TRIT1: variants seen among roughly 807,000 people sequenced by gnomAD.
The protein encoded by TRIT1 is tRNA dimethylallyltransferase.
A neutral mutation model predicts 51.2 loss-of-function variants in TRIT1; 43 were observed. The ratio of observed to expected loss-of-function variants is 0.84; its 90% confidence interval spans 0.66 to 1.08. TRIT1 has a LOEUF of 1.08. Ranked by LOEUF, TRIT1 falls within the 50% of genes least tolerant of loss-of-function variation. The pLI is 0.00. For missense variants in TRIT1, 528 were observed against 578.4 expected, an observed-to-expected ratio of 0.91 and a Z score of 0.89; for synonymous variants, 184 against 203.9, an observed-to-expected ratio of 0.90 and a Z score of 0.83.
At position 39,857,315 on chromosome 1, in the gene TRIT1, A is replaced by T. The variant is rs1557552241; in HGVS notation, c.277T>A (p.Tyr93Asn). 1.9e-6 allele frequency: 3 copies of T among 1,613,660 alleles called. No homozygotes were observed. The highest frequency in any genetic ancestry group is 1.3e-5 in the African/African-American group (1 of 74,934). ...CTATTTCTGAAGTCCACCACTGTGT[A>T]ATTGGTCACAAGAGGATCCACAAAG... ...ISFVDPLVTNYTVVDFRNRAT... is the reference protein window; with the variant it reads ...ISFVDPLVTNNTVVDFRNRAT... Residue 93 changes from tyrosine (Y) to asparagine (N), a missense_variant, in exon 2 of 11, where the codon TAC becomes AAC. Transcript: ENST00000316891.
chr1:39,863,214 C>G (rs1266362279), intron 1 of TRIT1, among the ~76,000 whole-genome samples: 2 of 152,160 alleles, frequency 1.3e-5, no homozygotes, highest in African/African-American at 2.4e-5. Context: ...ACCTATAATC[C>G]CAGCACGTTA....
intron 2 of TRIT1, 149 bp from the exon 3 acceptor site, chr1:39,854,217 C>A: frequency 1.7e-6 from 1 of 605,308 alleles, no homozygotes; most frequent in Non-Finnish European, 2.9e-6. Flanking sequence ...TCAGTGTTTC[C>A]AACAAATTTC....
chr1:39,842,239 A>C (rs1641951315), intron 10 of TRIT1, among the ~76,000 whole-genome samples: 1 of 152,218 alleles, frequency 6.6e-6, no homozygotes, highest in Non-Finnish European at 1.5e-5. Flanking sequence ...GAGGTCTTAC[A>C]AAATGTCCAA....
chr1:39,843,480 G>C (rs900379989), intron 10 of TRIT1, among the ~76,000 whole-genome samples: 1 of 152,214 alleles, frequency 6.6e-6, no homozygotes, highest in Admixed American at 6.5e-5. Context: ...TGCAGGGATA[G>C]AGCCTTAGGG....
chr1:39,881,832 A>G (rs1165055047), intron 1 of TRIT1, among the ~76,000 whole-genome samples: 1 of 152,192 alleles, frequency 6.6e-6, no homozygotes, highest in African/African-American at 2.4e-5. Context: ...CATAAAATCT[A>G]GCATCTGTAG....
chr1:39,848,817 T>C (rs1186470863), intron 5 of TRIT1, among the ~76,000 whole-genome samples: 1 of 150,922 alleles, frequency 6.6e-6, no homozygotes, highest in Non-Finnish European at 1.5e-5. Flanking sequence ...GGCGAGACTC[T>C]GTCTCAAACA....
At chr1:39,879,510 C>G (rs758642262) in intron 1 of TRIT1, among the ~76,000 whole-genome samples, 9 of 151,690 alleles carry the variant, frequency 5.9e-5, no homozygotes, top group Non-Finnish European at 1.3e-4. Context: ...ATATTTATCA[C>G]CAGCACAGTG....
intron 1 of TRIT1, among the ~76,000 whole-genome samples, chr1:39,868,055 C>G (rs763368670): frequency 6.6e-6 from 1 of 151,982 alleles, no homozygotes; most frequent in Non-Finnish European, 1.5e-5. Context: ...TGCCATTCTC[C>G]TGCCTCAGCC....
chr1:39,872,885 GA>G (rs1374464472), intron 1 of TRIT1, among the ~76,000 whole-genome samples: 1 of 151,334 alleles, frequency 6.6e-6, no homozygotes, highest in Non-Finnish European at 1.5e-5. Flanking sequence ...AGGAAGAAAG[GA>G]AGAAAACAAA....
intron 5 of TRIT1, among the ~76,000 whole-genome samples, chr1:39,848,747 C>T (rs772426999): frequency 4.6e-5 from 7 of 151,280 alleles, no homozygotes; most frequent in African/African-American, 1.5e-4. Flanking sequence ...CGCTTGAACC[C>T]GGGAGGCAGA....
chr1:39,852,768 C>T lies in TRIT1; in HGVS notation c.523G>A (p.Ala175Thr). ...CGTTTGTCATGTGGATGCAGCTTGG[C>T]AGCCATTTCTGGGTCCACCTGGCTT... ...RLSQVDPEMA[A>T]KLHPHDKRKV... The change falls in exon 4 of 11, where the codon GCC becomes ACC. Residue 175 changes from alanine (A) to threonine (T), a missense_variant. Coordinates refer to ENST00000316891, the MANE Select transcript of TRIT1 (RefSeq NM_017646.6). The T allele has an allele frequency of 6.2e-7, 1 of 1,614,160 alleles. No individual in the cohort carries two copies. The highest frequency in any genetic ancestry group is 8.5e-7 in the Non-Finnish European group (1 of 1,180,008).
At chr1:39,874,349 C>A (rs1469699450) in intron 1 of TRIT1, among the ~76,000 whole-genome samples, 1 of 152,112 alleles carries the variant, frequency 6.6e-6, no homozygotes, top group Non-Finnish European at 1.5e-5. Context: ...GTTATTAGAA[C>A]CAAAAATGTC....
intron 1 of TRIT1, among the ~76,000 whole-genome samples, chr1:39,859,027 C>A (rs533245299): frequency 6.6e-6 from 1 of 151,862 alleles, no homozygotes; most frequent in Non-Finnish European, 1.5e-5. Flanking sequence ...CCAAGGCAGG[C>A]GGATCACGAT....
rs370866302 is a variant in TRIT1, at chr1:39,847,259, G to C, written c.967C>G (p.Arg323Gly). 1.2e-6 allele frequency: 2 copies of C among 1,614,026 alleles called. No homozygotes were observed. The highest frequency in any genetic ancestry group is 3.3e-5 in the Admixed American group (2 of 60,014). The change falls in exon 8 of 11, where the codon CGG becomes GGG. Residue 323 changes from arginine to glycine, a missense_variant. By Grantham distance (125) the Arg-to-Gly change is moderately radical. Coordinates refer to ENST00000316891, the MANE Select transcript of TRIT1 (RefSeq NM_017646.6). ...ALKQVTKRYA[R>G]KQNRWVKNRF... Reference sequence around the variant, plus strand: ...TTTTTAACCCATCGGTTTTGTTTCCGGGCATATCTCTTAGTTACTTGTTTC... The same window carrying C: ...TTTTTAACCCATCGGTTTTGTTTCCCGGCATATCTCTTAGTTACTTGTTTC...
Position 39,875,549 on chromosome 1 carries a change from CT to C in TRIT1, c.174+7768del, listed in dbSNP as rs1445559588. Among the ~76,000 whole-genome samples the C allele has an allele frequency of 3.9e-5, 6 of 152,062 alleles. No individual in the cohort carries two copies. The East Asian group carries it at 1.2e-3, about 29-fold the overall frequency. On this transcript the variant is annotated intron_variant, in intron 1 of 10. Coordinates refer to ENST00000316891, the MANE Select transcript of TRIT1 (RefSeq NM_017646.6). ...TAAAACCTCAAACCTCATGGCATGA[CT>C]TTTGAGGGCCTCAAAAATTTGTTCC...
At chr1:39,865,671 CA>C (rs142393332) in intron 1 of TRIT1, among the ~76,000 whole-genome samples, 1,322 of 68,308 alleles carry the variant, frequency 0.019, 28 homozygotes, top group African/African-American at 0.053. Context: ...TCTGTCTCTA[CA>C]AAAAAAAAAA....
Position 39,883,416 on chromosome 1 carries a change from C to G in TRIT1, c.76G>C (p.Val26Leu). 6.2e-7 allele frequency: 1 copy of G among 1,613,890 alleles called. No homozygotes were observed. The highest frequency in any genetic ancestry group is 8.5e-7 in the Non-Finnish European group (1 of 1,179,954). Residue 26 changes from valine to leucine, a missense_variant, in exon 1 of 11, where the codon GTA (valine) becomes CTA (leucine). Val to Leu is a conservative substitution (Grantham distance 32). Coordinates refer to ENST00000316891, the MANE Select transcript of TRIT1 (RefSeq NM_017646.6). ...GTGCCCGTGGCCCCGAGAATCACTA[C>G]AAGAGGTAGGGTCCGTTGCAGGCCC... The part of the protein sequence containing the change: ...LRGLQRTLPL[V>L]VILGATGTGK...
rs200850534 is a variant in TRIT1, at chr1:39,844,588, C to T, written c.1059G>A (p.Ser353=). ...GTTCAAGAACAGACTCTTCCCACTT[C>T]GAGACATCAGATACCTCTAAGCCAT... is the stretch of plus-strand genomic sequence containing the variant. ...PVYGLEVSDV[S]KWEESVLEPA... Residue 353 remains serine (S), a synonymous_variant, in exon 9 of 11, where the codon TCG becomes TCA. Coordinates refer to ENST00000316891, the MANE Select transcript of TRIT1 (RefSeq NM_017646.6). The T allele has an allele frequency of 1.6e-5, 26 of 1,614,054 alleles. No individual in the cohort carries two copies. Among genetic ancestry groups the T allele is most frequent in the East Asian group, 4.5e-5 (2 of 44,886 alleles).
intron 1 of TRIT1, among the ~76,000 whole-genome samples, chr1:39,859,153 G>A (rs916442211): frequency 1.3e-5 from 2 of 150,280 alleles, no homozygotes; most frequent in Non-Finnish European, 2.9e-5. Flanking sequence ...ATACTCAGGA[G>A]GCTGAGGCAG....
Sources: gnomAD v4.1 joint callset for allele counts (sites outside exome capture counted in the v4.1 genomes callset) on GRCh38, gnomAD v4.1.1 for gene constraint, MANE v1.5 for transcripts, NCBI Gene and HGNC (gene_info 2026-07-23, HGNC 2026-07-21) for gene names.